The following WWOX variants were observed in gnomAD, a reference collection of about 807,000 sequenced individuals.
The protein encoded by WWOX is WW domain containing oxidoreductase, also known as WW domain-containing oxidoreductase.
Under a neutral mutation model 46.2 loss-of-function variants are expected in WWOX, and 69 were observed. The observed-to-expected ratio is 1.49, with a 90% CI of 1.23 to 1.82. WWOX has a LOEUF of 1.82. Ranked by LOEUF, WWOX falls within the 40% of genes most tolerant of loss-of-function variation. WWOX has a pLI of 0.00. For synonymous variants in WWOX, 359 were observed against 202.6 expected (o/e 1.77, Z -6.56); for missense variants, 919 against 542.6 (o/e 1.69, Z -6.89).
intron 8 of WWOX, among the ~76,000 whole-genome samples, chr16:78,914,120 T>C (rs1375722968): frequency 6.6e-6 from 1 of 151,816 alleles, no homozygotes; most frequent in Admixed American, 6.6e-5. Context: ...CTCACAGGAG[T>C]CTTTCCTGGC....
At chr16:78,722,153 C>T (rs1461301987) in intron 8 of WWOX, among the ~76,000 whole-genome samples, 3 of 152,180 alleles carry the variant, frequency 2.0e-5, no homozygotes, top group Admixed American at 6.5e-5. Flanking sequence ...AAATGACCAG[C>T]ACGTGGCTCA....
At chr16:78,908,921 G>C (rs1003073739) in intron 8 of WWOX, among the ~76,000 whole-genome samples, 1 of 152,196 alleles carries the variant, frequency 6.6e-6, no homozygotes, top group Non-Finnish European at 1.5e-5. Flanking sequence ...GCAGCCTCCG[G>C]CAGCATGACT....
At chr16:79,081,943 C>G (rs1217658555) in intron 8 of WWOX, among the ~76,000 whole-genome samples, 1 of 152,168 alleles carries the variant, frequency 6.6e-6, no homozygotes, top group Non-Finnish European at 1.5e-5. Flanking sequence ...CAAGGTTTGG[C>G]TTAACTGCAA....
At chr16:78,369,423 A>G (rs929464485) in intron 5 of WWOX, among the ~76,000 whole-genome samples, 1 of 152,186 alleles carries the variant, frequency 6.6e-6, no homozygotes. Context: ...ATTCCAGATT[A>G]TAAAGAGAAG....
intron 8 of WWOX, among the ~76,000 whole-genome samples, chr16:78,462,439 A>G (rs990839547): frequency 1.3e-5 from 2 of 152,198 alleles, no homozygotes; most frequent in Non-Finnish European, 2.9e-5. Context: ...CGCACTTGCC[A>G]GCATAAAGGA....
rs144851130 is a variant in WWOX, at chr16:78,567,157, G to A, written c.1056+134405G>A. On this transcript the variant is annotated intron_variant, in intron 8 of 8. Coordinates refer to ENST00000566780, the MANE Select transcript of WWOX (RefSeq NM_016373.4). ...CACAAGCCCAACCCTGGTGAAGGGC[G>A]TGATTGGCAGAAGCCCAATTTAAGC... Among the ~76,000 whole-genome samples the A allele has an allele frequency of 3.1e-3, 478 of 152,310 alleles. 3 individuals are homozygous for A. The highest frequency in any genetic ancestry group is 0.011 in the African/African-American group (454 of 41,568).
chr16:78,885,261 T>C (rs543085428), intron 8 of WWOX, among the ~76,000 whole-genome samples: 1,744 of 150,520 alleles, frequency 0.012, 26 homozygotes, highest in Middle Eastern at 0.024. Context: ...AAAAAAATAC[T>C]CTTGCCTTCT....
intron 8 of WWOX, among the ~76,000 whole-genome samples, chr16:79,051,384 G>A (rs542558330): frequency 6.6e-6 from 1 of 152,136 alleles, no homozygotes; most frequent in Non-Finnish European, 1.5e-5. Flanking sequence ...TCAGCAAGCC[G>A]CTGTCCTCCA....
chr16:78,250,273 A>G (rs2037949049), intron 5 of WWOX, among the ~76,000 whole-genome samples: 1 of 152,244 alleles, frequency 6.6e-6, no homozygotes, highest in South Asian at 2.1e-4. Flanking sequence ...TGCCAGGGTC[A>G]CAAGCTCGGT....
chr16:78,644,668 T>G (rs1284320817), intron 8 of WWOX, among the ~76,000 whole-genome samples: 3 of 152,118 alleles, frequency 2.0e-5, no homozygotes, highest in Non-Finnish European at 4.4e-5. Context: ...GCACCATGTT[T>G]ACCAGGCTGG....
intron 5 of WWOX, among the ~76,000 whole-genome samples, chr16:78,380,697 G>T (rs2081936349): frequency 6.6e-6 from 1 of 152,092 alleles, no homozygotes; most frequent in Non-Finnish European, 1.5e-5. Context: ...AACTGCTTTA[G>T]ATACATTGCC....
chr16:78,116,946 C>T (rs1490378789), intron 4 of WWOX, among the ~76,000 whole-genome samples: 3 of 152,106 alleles, frequency 2.0e-5, no homozygotes, highest in Non-Finnish European at 4.4e-5. Context: ...AATGCTCTTT[C>T]AAAGATTTGC....
chr16:78,280,168 C>T (rs544397943), intron 5 of WWOX, among the ~76,000 whole-genome samples: 1 of 152,196 alleles, frequency 6.6e-6, no homozygotes, highest in Non-Finnish European at 1.5e-5. Flanking sequence ...ATATGTTCTT[C>T]AGGTACAGTT....
At chr16:78,886,667 A>G (rs1421783142) in intron 8 of WWOX, among the ~76,000 whole-genome samples, 1 of 145,462 alleles carries the variant, frequency 6.9e-6, no homozygotes, top group Admixed American at 6.8e-5. Flanking sequence ...TGTAAAATAT[A>G]TATATGAAGG....
chr16:78,982,075 C>T (rs1406516751), intron 8 of WWOX, among the ~76,000 whole-genome samples: 1 of 151,938 alleles, frequency 6.6e-6, no homozygotes, highest in African/African-American at 2.4e-5. Flanking sequence ...GGATTTGGCC[C>T]ATCTGAGCCT....
At chr16:78,120,923 C>T (rs1567582984) in intron 4 of WWOX, among the ~76,000 whole-genome samples, 2 of 151,988 alleles carry the variant, frequency 1.3e-5, no homozygotes, top group Admixed American at 6.5e-5. Flanking sequence ...TCTTTGTTTT[C>T]TTTTCCATAC....
At position 78,432,751 on chromosome 16, in the gene WWOX, T is replaced by C. The variant is rs2083255829; in HGVS notation, c.1055T>C (p.Met352Thr). The change falls in exon 8 of 9, where the codon ATG (methionine) becomes ACG (threonine). Residue 352 changes from methionine (M) to threonine (T), a missense_variant and splice_region_variant. By Grantham distance (81) the Met-to-Thr change is moderately conservative. Coordinates refer to ENST00000566780, the MANE Select transcript of WWOX (RefSeq NM_016373.4). ...FTLARPFTKS[M>T]QQGAATTVYC... Reference sequence around the variant, plus strand: ...TTGGCGAGGCCTTTCACCAAGTCCATGGTAAGAGAACAGCTTCTGGCGCCG... The same window carrying C: ...TTGGCGAGGCCTTTCACCAAGTCCACGGTAAGAGAACAGCTTCTGGCGCCG... The C allele has an allele frequency of 6.2e-6, 10 of 1,614,018 alleles. No individual in the cohort carries two copies. Among genetic ancestry groups the C allele is most frequent in the Admixed American group, 1.7e-5 (1 of 59,994 alleles).
intron 5 of WWOX, among the ~76,000 whole-genome samples, chr16:78,353,223 A>G (rs73567115): frequency 0.085 from 13,008 of 152,144 alleles, 1,617 homozygotes; most frequent in African/African-American, 0.28. Context: ...AGGATTTGAG[A>G]TTGTTTATGT....
chr16:79,099,323 A>G (rs1037958939), intron 8 of WWOX, among the ~76,000 whole-genome samples: 16 of 152,188 alleles, frequency 1.1e-4, no homozygotes, highest in African/African-American at 3.9e-4. Flanking sequence ...AGTGACTATG[A>G]TATATCTTTC....
Sources: gnomAD v4.1 joint callset for allele counts (sites outside exome capture counted in the v4.1 genomes callset) on GRCh38, gnomAD v4.1.1 for gene constraint, MANE v1.5 for transcripts, NCBI Gene and HGNC (gene_info 2026-07-23, HGNC 2026-07-21) for gene names.